The following CEP192 variants were observed in gnomAD, a reference collection of about 807,000 sequenced individuals.
CEP192 encodes centrosomal protein of 192 kDa.
CEP192 carries 151 observed loss-of-function variants against 271.8 expected under a neutral mutation model. The observed-to-expected ratio is 0.56, with a 90% CI of 0.49 to 0.64. The LOEUF is 0.64. CEP192 is among the 30% of genes least tolerant of loss of function. CEP192 has a pLI of 0.00. For synonymous variants in CEP192, 995 were observed against 1,076.5 expected, an observed-to-expected ratio of 0.92 and a Z score of 1.48; for missense variants, 2,910 against 3,020.5, an observed-to-expected ratio of 0.96 and a Z score of 0.86.
intron 40 of CEP192, among the ~76,000 whole-genome samples, chr18:13,107,353 A>T (rs1299676859): frequency 6.6e-6 from 1 of 152,222 alleles, no homozygotes; most frequent in Non-Finnish European, 1.5e-5. Context: ...TAATAAAATA[A>T]ATAAGCAAAT....
chr18:13,052,218 C>CTT (rs1352786384), intron 17 of CEP192, among the ~76,000 whole-genome samples: 1 of 152,182 alleles, frequency 6.6e-6, no homozygotes, highest in East Asian at 1.9e-4. Flanking sequence ...ACTTCCTGAT[C>CTT]TTTTCATTTT....
At chr18:13,109,776 T>C (rs887600441) in intron 40 of CEP192, among the ~76,000 whole-genome samples, 1 of 151,522 alleles carries the variant, frequency 6.6e-6, no homozygotes, top group Non-Finnish European at 1.5e-5. Flanking sequence ...TTGGAAAAAA[T>C]AATAATAATA....
intron 44 of CEP192, among the ~76,000 whole-genome samples, chr18:13,122,967 A>C (rs896681782): frequency 1.3e-5 from 2 of 152,092 alleles, no homozygotes; most frequent in Non-Finnish European, 2.9e-5. Flanking sequence ...GTTCTTTCTA[A>C]ATTGCATTCC....
intron 15 of CEP192, among the ~76,000 whole-genome samples, chr18:13,044,666 A>C (rs1229517579): frequency 6.6e-6 from 1 of 152,190 alleles, no homozygotes; most frequent in African/African-American, 2.4e-5. Flanking sequence ...CTAGGGTTGT[A>C]ATGTGTTATC....
intron 9 of CEP192, among the ~76,000 whole-genome samples, chr18:13,028,763 G>A (rs1018720999): frequency 3.3e-5 from 5 of 152,036 alleles, no homozygotes; most frequent in Admixed American, 6.6e-5. Flanking sequence ...CAGGTGATCC[G>A]TCCGCCTCGG....
chr18:13,085,900 C>T (rs941546205), intron 30 of CEP192, among the ~76,000 whole-genome samples: 1 of 151,830 alleles, frequency 6.6e-6, no homozygotes, highest in South Asian at 2.1e-4. Flanking sequence ...TCCATATGAA[C>T]TTTAAAGTAG....
rs749300673 is a variant in CEP192, at chr18:13,049,424, A to T, written c.2633A>T (p.Asp878Val). The T allele has an allele frequency of 1.8e-5, 29 of 1,614,064 alleles. No homozygotes were observed. In the South Asian group the frequency reaches 2.5e-4, roughly 14 times the overall value. ...TNRENNSAVV[D>V]VKTCSIDNKL... ...AGAGAGAATAACAGTGCAGTAGTTGATGTGAAGACATGTTCCATTGACAAC... is the reference window on the plus strand; with the variant it reads ...AGAGAGAATAACAGTGCAGTAGTTGTTGTGAAGACATGTTCCATTGACAAC... Residue 878 changes from aspartate (D) to valine (V), a missense_variant, in exon 16 of 45, where the codon GAT becomes GTT. By Grantham distance (152) the Asp-to-Val change is radical. Coordinates refer to ENST00000506447, the MANE Select transcript of CEP192 (RefSeq NM_032142.4).
chr18:13,015,053 C>G (rs2034566213), intron 5 of CEP192, among the ~76,000 whole-genome samples: 1 of 152,108 alleles, frequency 6.6e-6, no homozygotes, highest in African/African-American at 2.4e-5. Flanking sequence ...TGTGTACTTA[C>G]TATATTACGA....
chr18:13,064,632 A>G (rs1369776400), intron 21 of CEP192, among the ~76,000 whole-genome samples: 2 of 146,634 alleles, frequency 1.4e-5, no homozygotes, highest in African/African-American at 5.1e-5. Flanking sequence ...AAAAAAAAAG[A>G]GTTGACTGTA....
chr18:13,042,064 A>G (rs1162110786), intron 14 of CEP192, 140 bp from the exon 15 acceptor site: 1 of 635,516 alleles, frequency 1.6e-6, no homozygotes, highest in African/African-American at 1.8e-5. Flanking sequence ...CGTTTAAACC[A>G]TTATAGTGAA....
chr18:13,026,735 C>A (rs1443079147), intron 9 of CEP192, among the ~76,000 whole-genome samples: 1 of 152,116 alleles, frequency 6.6e-6, no homozygotes, highest in Non-Finnish European at 1.5e-5. Flanking sequence ...CTTTCTGATT[C>A]TTTCTCATAA....
chr18:13,080,685 A>G (rs1273497966), intron 30 of CEP192, among the ~76,000 whole-genome samples: 1 of 152,158 alleles, frequency 6.6e-6, no homozygotes, highest in Non-Finnish European at 1.5e-5. Context: ...TTGAATAGAA[A>G]TGGTGAGAGA....
chr18:12,997,786 G>A (rs541351511), intron 1 of CEP192, among the ~76,000 whole-genome samples: 3 of 152,140 alleles, frequency 2.0e-5, no homozygotes, highest in East Asian at 3.9e-4. Flanking sequence ...GTACAGGGGC[G>A]CAATCTCGGC....
chr18:13,033,938 C>A lies in CEP192; in HGVS notation c.1535-3299C>A, dbSNP rs551571577. On this transcript the variant is annotated intron_variant, in intron 11 of 44. Coordinates refer to ENST00000506447, the MANE Select transcript of CEP192 (RefSeq NM_032142.4). ...TGTCTAGTTACTTGAACTCAGAAAT[C>A]AAAAATTCAGATAGACATTTCAGAA... Among the ~76,000 whole-genome samples, 9 of 152,258 alleles carry A rather than the reference C, an allele frequency of 5.9e-5. No individual in the cohort carries two copies. In the East Asian group the frequency reaches 1.7e-3, roughly 29 times the overall value.
intron 9 of CEP192, among the ~76,000 whole-genome samples, chr18:13,025,249 C>T (rs2035226580): frequency 6.6e-6 from 1 of 151,834 alleles, no homozygotes; most frequent in Non-Finnish European, 1.5e-5. Context: ...GACAGGGTCT[C>T]TATGTTGCCC....
At chr18:13,091,965 A>T (rs67675517) in intron 33 of CEP192, among the ~76,000 whole-genome samples, 20,793 of 152,176 alleles carry the variant, frequency 0.14, 1,566 homozygotes, top group East Asian at 0.31. Flanking sequence ...TAACTAAATT[A>T]ATATATATAA....
intron 9 of CEP192, among the ~76,000 whole-genome samples, chr18:13,020,796 T>A (rs2034946417): frequency 6.6e-6 from 1 of 152,240 alleles, no homozygotes; most frequent in Non-Finnish European, 1.5e-5. Context: ...AGTATCTCAT[T>A]GTGGTTTTGA....
At chr18:13,096,057 A>G (rs1441206780) in intron 35 of CEP192, 127 bp from the exon 36 acceptor site, 1 of 942,054 alleles carries the variant, frequency 1.1e-6, no homozygotes. Flanking sequence ...AATTTCTGTA[A>G]TTGAGCAGTT....
chr18:13,054,019 G>A (rs2036949896), intron 18 of CEP192, among the ~76,000 whole-genome samples: 3 of 152,224 alleles, frequency 2.0e-5, no homozygotes, highest in Non-Finnish European at 2.9e-5. Flanking sequence ...TTAGAGATGG[G>A]GTCTTGCTAT....
Sources: allele counts gnomAD v4.1 joint callset (sites outside exome capture counted in the v4.1 genomes callset), GRCh38; gene constraint gnomAD v4.1.1; transcripts MANE v1.5; gene names NCBI Gene and HGNC (gene_info 2026-07-23, HGNC 2026-07-21).